Variants in NR2C1 observed in about 807,000 individuals in gnomAD.
NR2C1 encodes the protein nuclear receptor subfamily 2 group C member 1.
NR2C1 carries 33 observed loss-of-function variants against 74.8 expected under a neutral mutation model. The observed-to-expected ratio is 0.44, with a 90% CI of 0.33 to 0.59. NR2C1 has a LOEUF of 0.59. Ranked by LOEUF, NR2C1 falls within the 20% of genes least tolerant of loss-of-function variation. The pLI, the probability that NR2C1 is intolerant of heterozygous loss-of-function variation, is 0.02. For missense variants in NR2C1, 568 were observed against 715.6 expected (o/e 0.79, Z 2.35); for synonymous variants, 225 against 240.6 (o/e 0.94, Z 0.60).
chr12:95,061,447 A>T (rs1874766190), intron 3 of NR2C1, among the ~76,000 whole-genome samples: 1 of 152,202 alleles, frequency 6.6e-6, no homozygotes, highest in South Asian at 2.1e-4. Flanking sequence ...AAACTATTCT[A>T]AAATATCAAG....
chr12:95,034,395 A>G (rs1055388622), intron 10 of NR2C1, among the ~76,000 whole-genome samples: 3 of 152,230 alleles, frequency 2.0e-5, no homozygotes, highest in Non-Finnish European at 4.4e-5. Flanking sequence ...ATAAAAATAA[A>G]GGATACTATT....
intron 1 of NR2C1, among the ~76,000 whole-genome samples, chr12:95,069,189 T>A (rs1161031340): frequency 6.6e-6 from 1 of 152,172 alleles, no homozygotes; most frequent in African/African-American, 2.4e-5. Flanking sequence ...CTTCCAGAAA[T>A]CCTAAAATCA....
At position 95,057,652 on chromosome 12, in the gene NR2C1, A is replaced by G. The variant is rs548547226; in HGVS notation, c.693-9T>C. The G allele has an allele frequency of 7.4e-6, 12 of 1,613,186 alleles. No homozygotes were observed. The Admixed American group carries it at 2.0e-4, about 27-fold the overall frequency. On this transcript the variant is annotated splice_polypyrimidine_tract_variant and intron_variant, in intron 6 of 13. Transcript: ENST00000333003. ...CTAACAGTCCTGTTGACCTGTAACA[A>G]ATCAGCACAAATTTTGGCCTGAGTT...
chr12:95,051,784 G>A lies in NR2C1; in HGVS notation c.943C>T (p.Gln315Ter). Reference sequence around the variant, plus strand: ...TACCTTGAAACATCACCGTTGGTCTGCATTTCTTGAAATTCACACAAAGAG... The same window carrying A: ...TACCTTGAAACATCACCGTTGGTCTACATTTCTTGAAATTCACACAAAGAG... ...DTSLCEFQEM[Q>*]TNGDVSRAFD... The change falls in exon 8 of 14, where the codon CAG becomes TAG. Residue 315 changes from glutamine to a stop codon, truncating the protein, a stop_gained. Transcript: ENST00000333003. LOFTEE classifies it high-confidence loss of function. 1 of 1,607,248 alleles carries A rather than the reference G, an allele frequency of 6.2e-7. No individual in the cohort carries two copies. Among genetic ancestry groups the A allele is most frequent in the Non-Finnish European group, 8.5e-7 (1 of 1,178,284 alleles).
At chr12:95,044,434 AT>A (rs57195159) in intron 9 of NR2C1, among the ~76,000 whole-genome samples, 489 of 141,376 alleles carry the variant, frequency 3.5e-3, no homozygotes, top group Non-Finnish European at 3.1e-3. Flanking sequence ...CACCCGGCTA[AT>A]TTTTTTTTTT....
At chr12:95,069,581 A>G (rs894287692) in intron 1 of NR2C1, among the ~76,000 whole-genome samples, 2 of 152,232 alleles carry the variant, frequency 1.3e-5, no homozygotes, top group Non-Finnish European at 2.9e-5. Flanking sequence ...AGTATGCTCT[A>G]TGATGTTCAT....
intron 7 of NR2C1, among the ~76,000 whole-genome samples, chr12:95,056,353 G>C (rs1392968324): frequency 6.6e-6 from 1 of 152,136 alleles, no homozygotes; most frequent in Non-Finnish European, 1.5e-5. Flanking sequence ...AGAAATTTTT[G>C]CTTCTTGTTC....
chr12:95,059,573 G>A lies in NR2C1; in HGVS notation c.364+333C>T, dbSNP rs374108539. Among the ~76,000 whole-genome samples the A allele has an allele frequency of 1.2e-3, 177 of 151,514 alleles. 3 individuals carry two copies. In the South Asian group the frequency reaches 0.033, roughly 28 times the overall value. On this transcript the variant is annotated intron_variant, in intron 4 of 13. Coordinates refer to ENST00000333003, the MANE Select transcript of NR2C1 (RefSeq NM_003297.4). ...ATAAAAATACAAAAATTAGCCATGC[G>A]TGCTGGCATGCACCTTAGCCCCAGC...
At chr12:95,022,997 C>A (rs978134982) in intron 13 of NR2C1, among the ~76,000 whole-genome samples, 1 of 151,812 alleles carries the variant, frequency 6.6e-6, no homozygotes, top group Non-Finnish European at 1.5e-5. Context: ...GCCATTGTGC[C>A]GGGCCAAGTT....
intron 7 of NR2C1, among the ~76,000 whole-genome samples, chr12:95,056,511 G>A (rs1054253829): frequency 1.3e-5 from 2 of 152,152 alleles, no homozygotes; most frequent in African/African-American, 2.4e-5. Context: ...GAGAGCTCTT[G>A]CAGTCCTATT....
Position 95,059,986 on chromosome 12 carries a change from TAAAAAAAAAAA to T in NR2C1, c.286-13_286-3del, listed in dbSNP as rs79760875. ...GTCTGGAGAATTATCTGTTAGGAGC[TAAAAAAAAAAA>T]AAAAAAAAAAGAAAACAAAAACGAA... is the stretch of plus-strand genomic sequence containing the variant. On this transcript the variant is annotated splice_region_variant and splice_polypyrimidine_tract_variant and intron_variant, in intron 3 of 13. Transcript: ENST00000333003. 8.4e-6 allele frequency: 9 copies of T among 1,074,558 alleles called. No individual in the cohort carries two copies. Among genetic ancestry groups the T allele is most frequent in the East Asian group, 6.2e-5 (2 of 32,134 alleles). 66.6% of individuals were successfully genotyped at this position (1,074,558 alleles called of 1,614,324 possible).
At chr12:95,067,421 T>C in intron 1 of NR2C1, 30 bp from the exon 2 acceptor site, 1 of 1,472,038 alleles carries the variant, frequency 6.8e-7, no homozygotes, top group Non-Finnish European at 9.5e-7. Flanking sequence ...GTTTTATAAT[T>C]AAACTCACAA....
intron 2 of NR2C1, among the ~76,000 whole-genome samples, chr12:95,066,677 A>C (rs1241809176): frequency 6.6e-6 from 1 of 152,176 alleles, no homozygotes; most frequent in Admixed American, 6.5e-5. Context: ...AACATTATAC[A>C]CTGGTCATCC....
intron 1 of NR2C1, among the ~76,000 whole-genome samples, chr12:95,067,981 T>C (rs141404127): frequency 0.013 from 1,983 of 150,264 alleles, 12 homozygotes; most frequent in Non-Finnish European, 0.02. Flanking sequence ...CCTGGGTTCA[T>C]GCCATTCTCC....
At chr12:95,063,806 G>C (rs1275996982) in intron 2 of NR2C1, among the ~76,000 whole-genome samples, 1 of 150,712 alleles carries the variant, frequency 6.6e-6, no homozygotes, top group African/African-American at 2.4e-5. Context: ...GAGGCAGGTG[G>C]ATCCCTTGAG....
intron 10 of NR2C1, among the ~76,000 whole-genome samples, chr12:95,036,528 TGAAGG>T (rs1870865966): frequency 6.6e-6 from 1 of 151,048 alleles, no homozygotes. Context: ...TTTTTTTTTT[TGAAGG>T]AGAGTCTCAC....
chr12:95,054,766 TA>T (rs1873582547), intron 7 of NR2C1, among the ~76,000 whole-genome samples: 3 of 152,234 alleles, frequency 2.0e-5, no homozygotes, highest in African/African-American at 7.2e-5. Context: ...TATTTTATTT[TA>T]TTTTTTTATT....
At chr12:95,067,228 A>G in intron 2 of NR2C1, 103 bp downstream of exon 2, 3 of 885,218 alleles carry the variant, frequency 3.4e-6, no homozygotes, top group Non-Finnish European at 5.7e-6. Flanking sequence ...ATCTTAAGTT[A>G]GGGAATATCT....
Position 95,021,739 on chromosome 12 carries a change from A to G in NR2C1, c.*490T>C, listed in dbSNP as rs923942776. 6.5e-6 allele frequency: 1 copy of G among 152,724 alleles called. No homozygotes were observed. Among genetic ancestry groups the G allele is most frequent in the African/African-American group, 2.4e-5 (1 of 41,460 alleles). The allele number at this position is 152,724 out of a possible 1,614,324, so 9.5% of individuals were successfully genotyped here. A position where few individuals can be genotyped will look rare whatever the true frequency, so the allele number is the denominator to read the frequency against. ...TTCCTATAGTTCTAATACTGTCATTATACCAGTAAGCATAAAATAATCTTA... is the reference window on the plus strand; with the variant it reads ...TTCCTATAGTTCTAATACTGTCATTGTACCAGTAAGCATAAAATAATCTTA... On this transcript the variant is annotated 3_prime_UTR_variant, in exon 14 of 14. Coordinates refer to ENST00000333003, the MANE Select transcript of NR2C1 (RefSeq NM_003297.4).
Sources: allele counts gnomAD v4.1 joint callset (sites outside exome capture counted in the v4.1 genomes callset), GRCh38; gene constraint gnomAD v4.1.1; transcripts MANE v1.5; gene names NCBI Gene and HGNC (gene_info 2026-07-23, HGNC 2026-07-21).